NEK7: variants seen among roughly 807,000 people sequenced by gnomAD.
The protein encoded by NEK7 is serine/threonine-protein kinase Nek7.
A neutral mutation model predicts 44.6 loss-of-function variants in NEK7; 18 were observed. The observed-to-expected ratio is 0.40, with a 90% confidence interval of 0.28 to 0.60. The LOEUF is 0.60. Among genes scored for constraint, NEK7 ranks in the 20% least tolerant of loss-of-function variants. The probability of loss-of-function intolerance (pLI) is 0.38; values close to 1 mark genes in which losing one functional copy is unlikely to be tolerated. For synonymous variants in NEK7, 130 were observed against 121.1 expected, an observed-to-expected ratio of 1.07 and a Z score of -0.48; for missense variants, 256 against 366.5, an observed-to-expected ratio of 0.70 and a Z score of 2.46.
intron 7 of NEK7, among the ~76,000 whole-genome samples, chr1:198,292,632 A>C (rs537440640): frequency 6.6e-6 from 1 of 152,102 alleles, no homozygotes; most frequent in Admixed American, 6.5e-5. Context: ...GCCAACATGA[A>C]TCATTTAAGT....
At chr1:198,177,785 C>CT (rs1664648359) in intron 1 of NEK7, among the ~76,000 whole-genome samples, 1 of 151,794 alleles carries the variant, frequency 6.6e-6, no homozygotes, top group Non-Finnish European at 1.5e-5. Context: ...TTCAGTTTTA[C>CT]TTTGATAATG....
chr1:198,305,777 T>G (rs1417876336), intron 9 of NEK7, among the ~76,000 whole-genome samples: 1 of 152,180 alleles, frequency 6.6e-6, no homozygotes, highest in Non-Finnish European at 1.5e-5. Context: ...TGGTTTGTTT[T>G]ATGATCAGAA....
At chr1:198,250,154 T>C (rs2102915334) in intron 2 of NEK7, among the ~76,000 whole-genome samples, 2 of 150,700 alleles carry the variant, frequency 1.3e-5, no homozygotes, top group South Asian at 4.2e-4. Flanking sequence ...CCCCATTGCT[T>C]GTTTTTCTCA....
chr1:198,241,796 A>C (rs75260082), intron 2 of NEK7, among the ~76,000 whole-genome samples: 4,339 of 152,278 alleles, frequency 0.028, 202 homozygotes, highest in African/African-American at 0.099. Flanking sequence ...TTACCTCATC[A>C]AGTTGATATG....
intron 2 of NEK7, among the ~76,000 whole-genome samples, chr1:198,239,898 A>G (rs545734912): frequency 1.3e-5 from 2 of 152,310 alleles, no homozygotes; most frequent in Admixed American, 1.3e-4. Context: ...GCTATATTGT[A>G]CAGTCTGTTG....
intron 9 of NEK7, among the ~76,000 whole-genome samples, chr1:198,317,938 A>G (rs1655424165): frequency 8.8e-6 from 1 of 113,914 alleles, no homozygotes; most frequent in Admixed American, 1.1e-4. Context: ...TCTGATGTAA[A>G]TTTCTCTTAG....
intron 2 of NEK7, among the ~76,000 whole-genome samples, 154 bp from the exon 3 acceptor site, chr1:198,252,886 G>A (rs575204885): frequency 8.1e-4 from 123 of 152,034 alleles, no homozygotes; most frequent in African/African-American, 2.2e-3. Context: ...GTAGGACAGT[G>A]CCTGGCATAA....
chr1:198,174,766 T>G (rs556790413), intron 1 of NEK7, among the ~76,000 whole-genome samples: 141 of 152,038 alleles, frequency 9.3e-4, no homozygotes, highest in African/African-American at 3.1e-3. Flanking sequence ...TTTGTTGTTT[T>G]TTTTGGGGGG....
intron 2 of NEK7, among the ~76,000 whole-genome samples, chr1:198,252,803 C>T (rs1270124145): frequency 6.6e-6 from 1 of 151,096 alleles, no homozygotes. Flanking sequence ...CTTGTTTATT[C>T]CCCTCACTAG....
At chr1:198,238,817 C>A (rs1199650621) in intron 2 of NEK7, among the ~76,000 whole-genome samples, 1 of 152,186 alleles carries the variant, frequency 6.6e-6, no homozygotes. Context: ...ACAGTCTTAT[C>A]TCCTCAATTA....
At chr1:198,253,238 G>T in intron 3 of NEK7, 58 bp downstream of exon 3, 2 of 1,174,604 alleles carry the variant, frequency 1.7e-6, no homozygotes, top group South Asian at 1.4e-5. Flanking sequence ...AATTATAGAT[G>T]AGAAAAGTAT....
At chr1:198,250,789 A>G (rs1312405143) in intron 2 of NEK7, among the ~76,000 whole-genome samples, 28 of 146,432 alleles carry the variant, frequency 1.9e-4, no homozygotes, top group East Asian at 1.6e-3. Flanking sequence ...GGCTGAGACA[A>G]TGGGGTTTTC....
intron 4 of NEK7, among the ~76,000 whole-genome samples, chr1:198,263,426 C>T (rs920921373): frequency 5.3e-5 from 8 of 151,670 alleles, no homozygotes; most frequent in African/African-American, 1.7e-4. Flanking sequence ...AAATTTGCAG[C>T]GAAAACTTTA....
chr1:198,250,872 T>A (rs1652930922), intron 2 of NEK7, among the ~76,000 whole-genome samples: 1 of 151,752 alleles, frequency 6.6e-6, no homozygotes, highest in Non-Finnish European at 1.5e-5. Context: ...TACCCTTTAT[T>A]TCCTTCTCCT....
chr1:198,285,181 T>C (rs1204794279), intron 7 of NEK7, among the ~76,000 whole-genome samples: 1 of 152,128 alleles, frequency 6.6e-6, no homozygotes, highest in Non-Finnish European at 1.5e-5. Flanking sequence ...CCCAGCGAAA[T>C]GTAAGTTTTA....
At chr1:198,248,669 T>C (rs1441317401) in intron 2 of NEK7, among the ~76,000 whole-genome samples, 5 of 152,192 alleles carry the variant, frequency 3.3e-5, no homozygotes, top group African/African-American at 1.2e-4. Flanking sequence ...TGTCAGGAAG[T>C]TAACAGGTGT....
intron 3 of NEK7, among the ~76,000 whole-genome samples, chr1:198,257,045 G>A (rs991103790): frequency 6.6e-6 from 1 of 151,982 alleles, no homozygotes; most frequent in South Asian, 2.1e-4. Context: ...AATACGTGAG[G>A]TATTTTGATC....
chr1:198,248,633 C>A (rs1243309763), intron 2 of NEK7, among the ~76,000 whole-genome samples: 2 of 152,150 alleles, frequency 1.3e-5, no homozygotes, highest in Non-Finnish European at 2.9e-5. Context: ...TGACACTGGA[C>A]ATATTCTTTG....
chr1:198,273,849 A>G (rs1653929500), intron 5 of NEK7, among the ~76,000 whole-genome samples: 1 of 151,720 alleles, frequency 6.6e-6, no homozygotes, highest in Admixed American at 6.6e-5. Flanking sequence ...TGAAACTAAG[A>G]CTGTAGACCC....
Sources: allele counts gnomAD v4.1 joint callset (sites outside exome capture counted in the v4.1 genomes callset), GRCh38; gene constraint gnomAD v4.1.1; transcripts MANE v1.5; gene names NCBI Gene and HGNC (gene_info 2026-07-23, HGNC 2026-07-21).